Variants in PDE1C observed in about 807,000 individuals in gnomAD.
PDE1C encodes dual specificity calcium/calmodulin-dependent 3',5'-cyclic nucleotide phosphodiesterase 1C.
A neutral mutation model predicts 93.1 loss-of-function variants in PDE1C; 62 were observed. That is an observed-to-expected ratio of 0.67 (90% confidence interval 0.54 to 0.82). PDE1C has a LOEUF of 0.82. Among genes scored for constraint, PDE1C ranks in the 40% least tolerant of loss-of-function variants. The pLI, the probability that PDE1C is intolerant of heterozygous loss-of-function variation, is 0.00. For synonymous variants in PDE1C, 325 were observed against 310.1 expected (o/e 1.05, Z -0.50); for missense variants, 742 against 884.6 (o/e 0.84, Z 2.04).
chr7:32,397,678 G>C (rs1218044573), intron 1 of PDE1C, among the ~76,000 whole-genome samples: 2 of 152,086 alleles, frequency 1.3e-5, no homozygotes. Context: ...CTATAGGAGA[G>C]AACATGGTTG....
At chr7:32,070,921 G>A (rs1584697474), upstream of PDE1C, 10 of 985,216 alleles carry the variant, frequency 1.0e-5, no homozygotes, top group Non-Finnish European at 1.2e-5. Flanking sequence ...CGCGCCCAGC[G>A]CCCCGCTCAC....
chr7:31,946,804 A>G (rs552006375), intron 2 of PDE1C, among the ~76,000 whole-genome samples: 51 of 152,104 alleles, frequency 3.4e-4, no homozygotes, highest in African/African-American at 1.2e-3. Context: ...TGTCGCCCCC[A>G]TGGCCTGGTG....
At chr7:31,649,023 A>G in the PDE1C span, among the ~76,000 whole-genome samples, 2 of 152,368 alleles carry the variant, frequency 1.3e-5, no homozygotes, top group South Asian at 2.1e-4. Flanking sequence ...CAACATCAGT[A>G]TCACTTCAGA....
rs1259313186 is a variant in PDE1C at position 31,794,029 on chromosome 7, TAGATAGATAGATAGACAGAC to T, written c.1891+14982_1891+15001del. On this transcript the variant is annotated intron_variant, in intron 16 of 17. Transcript: ENST00000396191. The stretch of plus-strand genomic sequence containing the variant: ...ATAGATAGATAGATAGATAGATAGA[TAGATAGATAGATAGACAGAC>T]AGACAGACAGACAGACAGACAGACA... 1.5e-3 allele frequency among the ~76,000 whole-genome samples: 159 copies of T among 103,230 alleles called. 1 individual carries two copies. Among genetic ancestry groups the T allele is most frequent in the African/African-American group, 4.4e-3 (131 of 29,864 alleles). The allele number at this position is 103,230 out of a possible 152,430, so 67.7% of individuals were successfully genotyped here.
At chr7:31,666,554 G>T in the PDE1C span, among the ~76,000 whole-genome samples, 1 of 152,108 alleles carries the variant, frequency 6.6e-6, no homozygotes, top group Non-Finnish European at 1.5e-5. Context: ...AAATAAATTT[G>T]GGATGTAAAT....
chr7:32,261,631 C>T (rs1401032271), intron 1 of PDE1C, among the ~76,000 whole-genome samples: 1 of 152,198 alleles, frequency 6.6e-6, no homozygotes, highest in Non-Finnish European at 1.5e-5. Context: ...AAGTTCCCAT[C>T]AATGATGTAT....
At chr7:31,654,051 T>A in the PDE1C span, among the ~76,000 whole-genome samples, 107,029 of 134,078 alleles carry the variant, frequency 0.8, 40,565 homozygotes, top group East Asian at 0.84. Context: ...GAAGAGTAAG[T>A]CCAAAAAAAA....
chr7:32,320,462 G>A (rs1313001350), intron 1 of PDE1C, among the ~76,000 whole-genome samples: 3 of 152,006 alleles, frequency 2.0e-5, no homozygotes, highest in East Asian at 1.9e-4. Context: ...CATGGCACAC[G>A]TTTACCTATA....
intron 2 of PDE1C, among the ~76,000 whole-genome samples, chr7:31,956,558 T>C (rs1808177765): frequency 6.6e-6 from 1 of 151,506 alleles, no homozygotes; most frequent in South Asian, 2.1e-4. Flanking sequence ...AGACGAGCCC[T>C]GTTCACAGTA....
At chr7:31,749,282 G>A (rs1027666059), downstream of PDE1C, among the ~76,000 whole-genome samples, 2 of 152,084 alleles carry the variant, frequency 1.3e-5, no homozygotes, top group Admixed American at 6.5e-5. Context: ...AGAACTCCTG[G>A]GCAGGGTCAA....
At chr7:31,623,975 T>C in the PDE1C span, among the ~76,000 whole-genome samples, 1 of 148,780 alleles carries the variant, frequency 6.7e-6, no homozygotes, top group East Asian at 2.0e-4. Context: ...TATACACCAA[T>C]AACAGACAAA....
chr7:31,915,728 A>T (rs1246553315), intron 2 of PDE1C, among the ~76,000 whole-genome samples: 1 of 152,188 alleles, frequency 6.6e-6, no homozygotes, highest in Non-Finnish European at 1.5e-5. Context: ...TAGATAACAC[A>T]TGCTTATGTA....
chr7:31,624,242 G>T, the PDE1C span, among the ~76,000 whole-genome samples: 2 of 145,550 alleles, frequency 1.4e-5, no homozygotes, highest in Admixed American at 6.9e-5. Flanking sequence ...AGCTACCAAT[G>T]ACTTTCTTCA....
intron 2 of PDE1C, among the ~76,000 whole-genome samples, chr7:32,187,560 T>C (rs1052918804): frequency 1.3e-5 from 2 of 150,356 alleles, no homozygotes; most frequent in African/African-American, 5.0e-5. Context: ...TTTTCTAATT[T>C]TATGTCCAAT....
At chr7:31,621,124 C>T in the PDE1C span, among the ~76,000 whole-genome samples, 250 of 151,986 alleles carry the variant, frequency 1.6e-3, no homozygotes, top group African/African-American at 5.2e-3. Context: ...ACCAAATCTA[C>T]GTCTGATTGG....
At chr7:31,806,288 G>T (rs1295473462) in intron 16 of PDE1C, among the ~76,000 whole-genome samples, 1 of 151,936 alleles carries the variant, frequency 6.6e-6, no homozygotes, top group South Asian at 2.1e-4. Context: ...TTTCTGGATA[G>T]CTATAATAAA....
At chr7:31,946,300 AC>A (rs1012426617) in intron 2 of PDE1C, among the ~76,000 whole-genome samples, 6 of 151,918 alleles carry the variant, frequency 3.9e-5, no homozygotes, top group Admixed American at 6.6e-5. Context: ...AGGGTCTGAA[AC>A]CCCTCATGGT....
chr7:32,137,990 T>TTTATTTTTGTA (rs1198026955), intron 3 of PDE1C, among the ~76,000 whole-genome samples: 1 of 152,176 alleles, frequency 6.6e-6, no homozygotes, highest in Non-Finnish European at 1.5e-5. Context: ...ATTGAGTCCA[T>TTTATTTTTGTA]TTATTTTTGT....
the PDE1C span, among the ~76,000 whole-genome samples, chr7:31,737,800 C>CAAAA: frequency 5.4e-5 from 5 of 93,160 alleles, no homozygotes; most frequent in East Asian, 2.9e-4. Context: ...CACTCCATCT[C>CAAAA]AAAAAAAAAA....
Sources: allele counts gnomAD v4.1 joint callset (sites outside exome capture counted in the v4.1 genomes callset), GRCh38; gene constraint gnomAD v4.1.1; transcripts MANE v1.5; gene names NCBI Gene and HGNC (gene_info 2026-07-23, HGNC 2026-07-21).